The following SGSM1 variants were observed in gnomAD, a reference collection of about 807,000 sequenced individuals.
SGSM1 encodes small G protein signaling modulator 1, also known as RUN and TBC1 domain containing 2.
A neutral mutation model predicts 133.8 loss-of-function variants in SGSM1; 73 were observed. The observed-to-expected ratio is 0.55, with a 90% CI of 0.45 to 0.66. The LOEUF is 0.66. Ranked by LOEUF, SGSM1 falls within the 30% of genes least tolerant of loss-of-function variation. The pLI, the probability that SGSM1 is intolerant of heterozygous loss-of-function variation, is 0.00. For synonymous variants in SGSM1, 563 were observed against 573.0 expected (o/e 0.98, Z 0.25); for missense variants, 1,213 against 1,448.1 (o/e 0.84, Z 2.64).
At chr22:24,865,892 T>G (rs6004329) in intron 9 of SGSM1, among the ~76,000 whole-genome samples, 5 of 151,678 alleles carry the variant, frequency 3.3e-5, no homozygotes, top group African/African-American at 1.2e-4. Flanking sequence ...TTCCTTGTCT[T>G]GCAGGAATGG....
intron 3 of SGSM1, among the ~76,000 whole-genome samples, chr22:24,846,994 C>T (rs1193892736): frequency 6.6e-6 from 1 of 151,964 alleles, no homozygotes; most frequent in Non-Finnish European, 1.5e-5. Flanking sequence ...GCGGCCGCCC[C>T]CACACCTGGC....
At chr22:24,828,435 TA>T (rs1367339003) in intron 2 of SGSM1, among the ~76,000 whole-genome samples, 1 of 151,662 alleles carries the variant, frequency 6.6e-6, no homozygotes, top group African/African-American at 2.4e-5. Context: ...AAAACCTCAT[TA>T]AAAAGGGGGC....
In SGSM1 at chr22:24,912,695, C is replaced by T. The variant is rs1173725142; in HGVS notation, c.2871C>T (p.Asn957=). Residue 957 remains asparagine (N), a synonymous_variant, in exon 22 of 25, where the codon AAC becomes AAT. Transcript: ENST00000400358. ...AGCTCATGAAGAGGATGAACCAGAACTTCCCCCACGGAGGCGCCATGGACA... is the reference window on the plus strand; with the variant it reads ...AGCTCATGAAGAGGATGAACCAGAATTTCCCCCACGGAGGCGCCATGGACA... The part of the protein sequence containing the change: ...FTELMKRMNQ[N]FPHGGAMDTH... The T allele has an allele frequency of 9.9e-6, 16 of 1,613,876 alleles. No individual in the cohort carries two copies. The highest frequency in any genetic ancestry group is 1.4e-5 in the Non-Finnish European group (16 of 1,179,924).
At chr22:24,813,523 A>G (rs530723599) in intron 2 of SGSM1, among the ~76,000 whole-genome samples, 4 of 152,208 alleles carry the variant, frequency 2.6e-5, no homozygotes, top group Non-Finnish European at 4.4e-5. Flanking sequence ...GAATGAATGC[A>G]GGAATGCCAG....
intron 2 of SGSM1, among the ~76,000 whole-genome samples, chr22:24,838,715 A>G (rs549573700): frequency 6.6e-6 from 1 of 151,522 alleles, no homozygotes; most frequent in South Asian, 2.1e-4. Flanking sequence ...TCTCTATTCC[A>G]TTTGTCTAAA....
intron 4 of SGSM1, among the ~76,000 whole-genome samples, chr22:24,848,204 C>A (rs567219072): frequency 6.6e-6 from 1 of 151,712 alleles, no homozygotes; most frequent in African/African-American, 2.4e-5. Flanking sequence ...GATCTGTTTT[C>A]TCCCATTATG....
intron 5 of SGSM1, among the ~76,000 whole-genome samples, chr22:24,853,463 C>T (rs567252861): frequency 1.3e-5 from 2 of 152,358 alleles, no homozygotes; most frequent in African/African-American, 4.8e-5. Flanking sequence ...AAACATTCAG[C>T]ACAAACATTG....
At chr22:24,812,880 GAAGT>G (rs1251450836) in intron 2 of SGSM1, among the ~76,000 whole-genome samples, 1 of 152,172 alleles carries the variant, frequency 6.6e-6, no homozygotes, top group Non-Finnish European at 1.5e-5. Flanking sequence ...TGCAAACTGA[GAAGT>G]GAGTAAAGCA....
At chr22:24,895,471 A>G (rs1932893723) in intron 18 of SGSM1, among the ~76,000 whole-genome samples, 180 bp downstream of exon 18, 1 of 152,160 alleles carries the variant, frequency 6.6e-6, no homozygotes, top group African/African-American at 2.4e-5. Flanking sequence ...ATATGGATCT[A>G]TCACCCCTGC....
intron 2 of SGSM1, among the ~76,000 whole-genome samples, chr22:24,810,813 A>G (rs1207949343): frequency 6.6e-6 from 1 of 152,048 alleles, no homozygotes; most frequent in African/African-American, 2.4e-5. Context: ...CTGTTTGGAG[A>G]ACTGAGCCTC....
intron 2 of SGSM1, among the ~76,000 whole-genome samples, chr22:24,815,588 C>CA (rs1462222294): frequency 6.6e-6 from 1 of 151,958 alleles, no homozygotes; most frequent in Non-Finnish European, 1.5e-5. Flanking sequence ...TAAAAAAATA[C>CA]AAAAAAATTA....
chr22:24,891,618 T>G (rs1346557514), intron 16 of SGSM1, among the ~76,000 whole-genome samples: 2 of 152,106 alleles, frequency 1.3e-5, no homozygotes, highest in Non-Finnish European at 2.9e-5. Flanking sequence ...ACAACTCTGA[T>G]GTACAGAGCC....
chr22:24,862,142 G>A (rs1185668625), intron 9 of SGSM1, among the ~76,000 whole-genome samples: 1 of 151,714 alleles, frequency 6.6e-6, no homozygotes, highest in Non-Finnish European at 1.5e-5. Flanking sequence ...TAGAGACAGG[G>A]TTTCTCCGTG....
rs528933134 is a variant in SGSM1 at position 24,909,599 on chromosome 22, G to C, written c.2819-3044G>C. 3.4e-4 allele frequency among the ~76,000 whole-genome samples: 51 copies of C among 152,148 alleles called. 2 individuals are homozygous for C. The South Asian group carries it at 0.01, about 31-fold the overall frequency. On this transcript the variant is annotated intron_variant, in intron 21 of 24. Coordinates refer to ENST00000400358, the MANE Select transcript of SGSM1 (RefSeq NM_001098497.3). ...GCCTCCCAAGTAGCTGGGATTACAG[G>C]CGCCCACCACCACATCTGGCTAATT...
chr22:24,886,680 C>T lies in SGSM1; in HGVS notation c.1722C>T (p.Phe574=). 1 of 1,574,678 alleles carries T rather than the reference C, an allele frequency of 6.4e-7. No homozygotes were observed. Among genetic ancestry groups the T allele is most frequent in the Non-Finnish European group, 8.6e-7 (1 of 1,160,498 alleles). ...AGATCCGCAAGGCCGTGTGGCCCTTCCTCCTGGGCCACTACCAGTTCGGGA... is the reference window on the plus strand; with the variant it reads ...AGATCCGCAAGGCCGTGTGGCCCTTTCTCCTGGGCCACTACCAGTTCGGGA... The part of the protein sequence containing the change: ...QPEIRKAVWP[F]LLGHYQFGMT... Residue 574 remains phenylalanine (F), a synonymous_variant, in exon 16 of 25, where the codon TTC becomes TTT. Coordinates refer to ENST00000400358, the MANE Select transcript of SGSM1 (RefSeq NM_001098497.3).
At chr22:24,879,427 C>T (rs778362466) in intron 13 of SGSM1, 35 bp from the exon 14 acceptor site, 1 of 1,608,246 alleles carries the variant, frequency 6.2e-7, no homozygotes, top group South Asian at 1.1e-5. Context: ...GTGTTTGGAT[C>T]TATTCTAAGC....
At chr22:24,822,244 C>A (rs144415108) in intron 2 of SGSM1, among the ~76,000 whole-genome samples, 1 of 152,044 alleles carries the variant, frequency 6.6e-6, no homozygotes, top group African/African-American at 2.4e-5. Flanking sequence ...GTGCCCGCCA[C>A]CACGCCCGGC....
Position 24,876,596 on chromosome 22 carries a change from C to T in SGSM1, c.1311C>T (p.Asp437=), listed in dbSNP as rs761538591. 2.2e-5 allele frequency: 35 copies of T among 1,613,880 alleles called. 1 individual carries two copies. The highest frequency in any genetic ancestry group is 6.7e-5 in the African/African-American group (5 of 74,920). The change falls in exon 13 of 25, where the codon GAC becomes GAT. Residue 437 remains aspartate (D), a synonymous_variant. Coordinates refer to ENST00000400358, the MANE Select transcript of SGSM1 (RefSeq NM_001098497.3). ...CCACAGTGCCCCAGGATCTGATGGACGTCTCTGTAAGCAACCTCCCATCCC... is the reference window on the plus strand; with the variant it reads ...CCACAGTGCCCCAGGATCTGATGGATGTCTCTGTAAGCAACCTCCCATCCC... ...QSEFVPQDLM[D]VSVSNLPSLW...
intron 2 of SGSM1, among the ~76,000 whole-genome samples, chr22:24,832,956 A>G (rs1202580420): frequency 6.7e-6 from 1 of 150,342 alleles, no homozygotes; most frequent in East Asian, 2.0e-4. Flanking sequence ...TTTTTTTCAG[A>G]CGGCGTTTCA....
Sources: gnomAD v4.1 joint callset for allele counts (sites outside exome capture counted in the v4.1 genomes callset) on GRCh38, gnomAD v4.1.1 for gene constraint, MANE v1.5 for transcripts, NCBI Gene and HGNC (gene_info 2026-07-23, HGNC 2026-07-21) for gene names.